Variants in C14orf132 observed in about 807,000 individuals in gnomAD.
C14orf132 encodes the protein chromosome 14 open reading frame 132, also known as uncharacterized protein C14orf132.
In C14orf132, 6 loss-of-function variants were observed where a neutral mutation model predicts 5.8. The observed-to-expected ratio is 1.03, with a 90% confidence interval of 0.57 to 2.04. C14orf132 has a LOEUF of 2.04. Ranked by LOEUF, C14orf132 falls within the 30% of genes most tolerant of loss-of-function variation. The probability of loss-of-function intolerance (pLI) is 0.00; values close to 1 mark genes in which losing one functional copy is unlikely to be tolerated. For synonymous variants in C14orf132, 51 were observed against 49.8 expected, an observed-to-expected ratio of 1.02 and a Z score of -0.10; for missense variants, 125 against 115.8, an observed-to-expected ratio of 1.08 and a Z score of -0.37.
rs10140806 is a variant in C14orf132, at chr14:96,049,640, G to A, written c.27+10113G>A. The stretch of plus-strand genomic sequence containing the variant: ...TATACGTATATATATACATATATAC[G>A]TATATATATATATAGAGAGAGAGAG... On this transcript the variant is annotated intron_variant, in intron 1 of 1. Coordinates refer to ENST00000555004, the MANE Select transcript of C14orf132 (RefSeq NM_001252507.3). Among the ~76,000 whole-genome samples the A allele has an allele frequency of 2.7e-4, 12 of 44,576 alleles. 2 individuals are homozygous for A. The highest frequency in any genetic ancestry group is 1.7e-3 in the South Asian group (2 of 1,200). 29.2% of individuals were successfully genotyped at this position (44,576 alleles called of 152,430 possible). A position where few individuals can be genotyped will look rare whatever the true frequency, so the allele number is the denominator to read the frequency against.
intron 1 of C14orf132, among the ~76,000 whole-genome samples, chr14:96,078,729 C>A (rs1221759401): frequency 6.6e-6 from 1 of 152,188 alleles, no homozygotes; most frequent in African/African-American, 2.4e-5. Flanking sequence ...TTTGGGACCC[C>A]TTCAGGTACC....
chr14:96,044,296 C>T (rs1886776752), intron 1 of C14orf132, among the ~76,000 whole-genome samples: 1 of 152,234 alleles, frequency 6.6e-6, no homozygotes, highest in African/African-American at 2.4e-5. Flanking sequence ...ACCTCAACTG[C>T]CTGAGTCTCT....
chr14:96,086,637 C>T lies in C14orf132; in HGVS notation c.154C>T (p.Pro52Ser), dbSNP rs1028154852. The change falls in exon 2 of 2, where the codon CCT becomes TCT. Residue 52 changes from proline (P) to serine (S), a missense_variant. Physicochemically the swap from Pro to Ser is moderately conservative, Grantham distance 74 (BLOSUM62 -1). Coordinates refer to ENST00000555004, the MANE Select transcript of C14orf132 (RefSeq NM_001252507.3). ...TGGCCAGGGCCAGCCGGAAGATCCTCCTCGGTCCTCCAACGACGCCGTCTT... is the reference window on the plus strand; with the variant it reads ...TGGCCAGGGCCAGCCGGAAGATCCTTCTCGGTCCTCCAACGACGCCGTCTT... Reference protein sequence around the residue: ...ANGQGQPEDPPRSSNDAVLLW... With the variant: ...ANGQGQPEDPSRSSNDAVLLW... 1 of 1,536,058 alleles carries T rather than the reference C, an allele frequency of 6.5e-7. No individual in the cohort carries two copies. Among genetic ancestry groups the T allele is most frequent in the African/African-American group, 1.4e-5 (1 of 73,054 alleles).
At chr14:96,070,562 A>G (rs1462461859) in intron 1 of C14orf132, among the ~76,000 whole-genome samples, 1 of 149,708 alleles carries the variant, frequency 6.7e-6, no homozygotes, top group Non-Finnish European at 1.5e-5. Flanking sequence ...GCAAAGGTTC[A>G]TTTGCCAGGG....
chr14:96,040,690 C>T (rs371732437), intron 1 of C14orf132, among the ~76,000 whole-genome samples: 82 of 152,102 alleles, frequency 5.4e-4, no homozygotes, highest in African/African-American at 1.8e-3. Context: ...GATCCTGGCT[C>T]TCCGGCAGCC....
rs1466153075 is a variant in C14orf132, at chr14:96,088,829, G to A, written c.*2094G>A. 1.3e-5 allele frequency: 2 copies of A among 152,268 alleles called. No individual in the cohort carries two copies. The highest frequency in any genetic ancestry group is 2.9e-5 in the Non-Finnish European group (2 of 68,086). The allele number at this position is 152,268 out of a possible 1,614,324, so 9.4% of individuals were successfully genotyped here. On this transcript the variant is annotated 3_prime_UTR_variant, in exon 2 of 2. Coordinates refer to ENST00000555004, the MANE Select transcript of C14orf132 (RefSeq NM_001252507.3). Reference sequence around the variant, plus strand: ...CTGCGGTGAAGGGAGGAGAAGGCAGGAGGAAAAAGGATGGCTTCTAGCCCT... The same window carrying A: ...CTGCGGTGAAGGGAGGAGAAGGCAGAAGGAAAAAGGATGGCTTCTAGCCCT...
At position 96,086,495 on chromosome 14, in the gene C14orf132, C is replaced by T. The variant is rs761024004; in HGVS notation, c.28-16C>T. Reference sequence around the variant, plus strand: ...CCCCCATGGCCCTGGATAATTCTCTCTCTCCTTCTTTGCAGCTGCCCATGA... The same window carrying T: ...CCCCCATGGCCCTGGATAATTCTCTTTCTCCTTCTTTGCAGCTGCCCATGA... On this transcript the variant is annotated splice_polypyrimidine_tract_variant and intron_variant, in intron 1 of 1. Transcript: ENST00000555004. The T allele has an allele frequency of 2.0e-6, 3 of 1,535,520 alleles. No individual in the cohort carries two copies. Among genetic ancestry groups the T allele is most frequent in the Non-Finnish European group, 2.6e-6 (3 of 1,146,484 alleles).
chr14:96,089,635 C>G lies in C14orf132; in HGVS notation c.*2900C>G, dbSNP rs993236246. On this transcript the variant is annotated 3_prime_UTR_variant, in exon 2 of 2. Transcript: ENST00000555004. ...CTGACTGTCCTCAGAGTGGAACATG[C>G]TCAACCTCCCGCCCACTGCTCTCTC... The G allele has an allele frequency of 6.6e-6, 1 of 152,340 alleles. No individual in the cohort carries two copies. The highest frequency in any genetic ancestry group is 2.4e-5 in the African/African-American group (1 of 41,448). 9.4% of individuals were successfully genotyped at this position (152,340 alleles called of 1,614,324 possible). A position where few individuals can be genotyped will look rare whatever the true frequency, so the allele number is the denominator to read the frequency against.
At chr14:96,059,526 G>T (rs982965627) in intron 1 of C14orf132, among the ~76,000 whole-genome samples, 2 of 152,200 alleles carry the variant, frequency 1.3e-5, no homozygotes, top group Non-Finnish European at 2.9e-5. Flanking sequence ...GGCAGAGGGG[G>T]ATTTGCAGGT....
intron 1 of C14orf132, among the ~76,000 whole-genome samples, chr14:96,066,220 A>G (rs1394537564): frequency 6.6e-6 from 1 of 152,158 alleles, no homozygotes; most frequent in Admixed American, 6.5e-5. Flanking sequence ...ACCATGGACC[A>G]TGGGATGCGC....
intron 1 of C14orf132, among the ~76,000 whole-genome samples, chr14:96,061,739 G>A (rs1232592128): frequency 6.6e-6 from 1 of 151,790 alleles, no homozygotes; most frequent in Admixed American, 6.6e-5. Context: ...AGACAGGGCG[G>A]GTCTCTACAA....
At chr14:96,064,363 T>TACACACACACAC (rs148402921) in intron 1 of C14orf132, among the ~76,000 whole-genome samples, 39 of 135,862 alleles carry the variant, frequency 2.9e-4, no homozygotes, top group African/African-American at 6.8e-4. Flanking sequence ...GGTGCATATA[T>TACACACACACAC]ACACACACAC....
At chr14:96,051,315 T>C in intron 1 of C14orf132, 1 of 398,124 alleles carries the variant, frequency 2.5e-6, no homozygotes, top group Admixed American at 4.4e-5. Context: ...AGTTGGGCAG[T>C]TCAGTGAGCA....
At chr14:96,044,111 G>A (rs1161485660) in intron 1 of C14orf132, among the ~76,000 whole-genome samples, 7 of 152,224 alleles carry the variant, frequency 4.6e-5, no homozygotes, top group Non-Finnish European at 1.0e-4. Flanking sequence ...ACCCTCTGTG[G>A]ATCAGCTTCA....
At chr14:96,043,592 T>G (rs1223034802) in intron 1 of C14orf132, among the ~76,000 whole-genome samples, 1 of 152,086 alleles carries the variant, frequency 6.6e-6, no homozygotes, top group East Asian at 1.9e-4. Context: ...CCTCCGATAC[T>G]CCCATCAGAT....
At chr14:96,058,677 A>C (rs557604076) in intron 1 of C14orf132, among the ~76,000 whole-genome samples, 2 of 152,354 alleles carry the variant, frequency 1.3e-5, no homozygotes, top group South Asian at 4.1e-4. Flanking sequence ...AGCAGAAAGC[A>C]GCAGCCACCT....
At chr14:96,058,972 C>T (rs1201792420) in intron 1 of C14orf132, among the ~76,000 whole-genome samples, 1 of 152,216 alleles carries the variant, frequency 6.6e-6, no homozygotes, top group African/African-American at 2.4e-5. Flanking sequence ...TCAAGATTAC[C>T]TTCCCCAGGC....
intron 1 of C14orf132, among the ~76,000 whole-genome samples, chr14:96,078,836 C>T (rs1887952040): frequency 6.6e-6 from 1 of 152,236 alleles, no homozygotes; most frequent in Non-Finnish European, 1.5e-5. Flanking sequence ...AGCCCAGCCT[C>T]CCAGCAGTTC....
At chr14:96,068,281 A>C (rs1887593521) in intron 1 of C14orf132, among the ~76,000 whole-genome samples, 1 of 152,202 alleles carries the variant, frequency 6.6e-6, no homozygotes, top group Non-Finnish European at 1.5e-5. Flanking sequence ...AGTTCTCTGC[A>C]GGATGTCACC....
Sources: allele counts gnomAD v4.1 joint callset (sites outside exome capture counted in the v4.1 genomes callset), GRCh38; gene constraint gnomAD v4.1.1; transcripts MANE v1.5; gene names NCBI Gene and HGNC (gene_info 2026-07-23, HGNC 2026-07-21).